The following SHC4 variants were observed in gnomAD, a reference collection of about 807,000 sequenced individuals.
SHC4 encodes SHC-transforming protein 4.
Under a neutral mutation model 69.4 loss-of-function variants are expected in SHC4, and 41 were observed. The observed-to-expected ratio is 0.59, with a 90% CI of 0.46 to 0.77. The LOEUF is 0.77. Ranked by LOEUF, SHC4 falls within the 30% of genes least tolerant of loss-of-function variation. SHC4 has a pLI of 0.00. For missense variants in SHC4, 777 were observed against 783.8 expected (o/e 0.99, Z 0.10); for synonymous variants, 318 against 299.3 (o/e 1.06, Z -0.64).
At chr15:48,869,520 C>G (rs1899626318) in intron 5 of SHC4, among the ~76,000 whole-genome samples, 1 of 152,206 alleles carries the variant, frequency 6.6e-6, no homozygotes, top group South Asian at 2.1e-4. Flanking sequence ...CTTCTTGTGA[C>G]TGTGTGCCAG....
intron 2 of SHC4, among the ~76,000 whole-genome samples, chr15:48,923,635 C>CTTTTTT (rs59906872): frequency 5.4e-5 from 5 of 92,498 alleles, no homozygotes; most frequent in African/African-American, 1.4e-4. Flanking sequence ...ACTACTCAGT[C>CTTTTTT]TTTTTTTTTT....
chr15:48,927,106 G>A (rs1471614606), intron 1 of SHC4, among the ~76,000 whole-genome samples: 2 of 152,188 alleles, frequency 1.3e-5, no homozygotes, highest in Non-Finnish European at 2.9e-5. Flanking sequence ...GCTAGATATA[G>A]GAAGTAGGTT....
intron 1 of SHC4, among the ~76,000 whole-genome samples, chr15:48,951,121 A>G (rs1901358461): frequency 1.3e-5 from 2 of 152,116 alleles, no homozygotes; most frequent in South Asian, 4.2e-4. Context: ...GATGACAATA[A>G]CAACAAAAAT....
chr15:48,906,494 TC>T (rs35372143), intron 2 of SHC4, among the ~76,000 whole-genome samples: 1 of 151,842 alleles, frequency 6.6e-6, no homozygotes, highest in African/African-American at 2.4e-5. Flanking sequence ...CCCCATCTCA[TC>T]CCCTTTTCCC....
rs201219790 is a variant in SHC4, at chr15:48,849,283, C to T, written c.1303+1905G>A. ...CCTTTCCTACTTCCTTCCTACCTCC[C>T]TCTCTGTGCCTGGATAATTCCCACT... On this transcript the variant is annotated intron_variant, in intron 9 of 11. Transcript: ENST00000332408. 2.6e-5 allele frequency among the ~76,000 whole-genome samples: 4 copies of T among 152,272 alleles called. No individual in the cohort carries two copies. The East Asian group carries it at 7.7e-4, about 29-fold the overall frequency.
At chr15:48,857,875 T>C in intron 6 of SHC4, 60 bp from the exon 7 acceptor site, 1 of 1,362,802 alleles carries the variant, frequency 7.3e-7, no homozygotes. Context: ...GAAGATTACA[T>C]AAAATCAGAG....
chr15:48,932,811 G>C (rs1900993430), intron 1 of SHC4, among the ~76,000 whole-genome samples: 1 of 152,032 alleles, frequency 6.6e-6, no homozygotes, highest in Non-Finnish European at 1.5e-5. Context: ...CTTGGTCAAT[G>C]TGTCCGTATC....
At chr15:48,930,089 A>G (rs978049790) in intron 1 of SHC4, among the ~76,000 whole-genome samples, 1 of 152,186 alleles carries the variant, frequency 6.6e-6, no homozygotes, top group Non-Finnish European at 1.5e-5. Context: ...AATGATGACT[A>G]CAAGCACGCT....
intron 1 of SHC4, among the ~76,000 whole-genome samples, chr15:48,949,411 C>A (rs191377459): frequency 6.6e-6 from 1 of 151,122 alleles, no homozygotes; most frequent in Non-Finnish European, 1.5e-5. Context: ...GGACTGAATT[C>A]TACCCTCTTC....
intron 1 of SHC4, among the ~76,000 whole-genome samples, chr15:48,959,445 G>T (rs1015814633): frequency 6.6e-6 from 1 of 152,174 alleles, no homozygotes; most frequent in Non-Finnish European, 1.5e-5. Context: ...CTGCATAATT[G>T]ATTCATAATA....
At chr15:48,858,852 C>G (rs142422897) in intron 6 of SHC4, among the ~76,000 whole-genome samples, 3 of 152,226 alleles carry the variant, frequency 2.0e-5, no homozygotes, top group African/African-American at 7.2e-5. Context: ...TTAATATACA[C>G]AAGAGTGTTG....
intron 1 of SHC4, among the ~76,000 whole-genome samples, chr15:48,960,732 C>T (rs1034437847): frequency 5.3e-5 from 8 of 152,216 alleles, no homozygotes; most frequent in Admixed American, 2.0e-4. Flanking sequence ...TTTTATATGA[C>T]TGTCTACCTA....
intron 1 of SHC4, among the ~76,000 whole-genome samples, chr15:48,961,429 C>T (rs1198990603): frequency 1.3e-5 from 2 of 152,146 alleles, no homozygotes; most frequent in South Asian, 2.1e-4. Flanking sequence ...ACCCACTATT[C>T]TCCAGCATTC....
At position 48,890,722 on chromosome 15, in the gene SHC4, AACAAGAAAACC is replaced by A. The variant is rs769045633; in HGVS notation, c.720+15_720+25del. Reference sequence around the variant, plus strand: ...TCTTTGCCATAATTAGGGAAACATAAACAAGAAAACCACATCATCATTTACCTTTCGCTTTT... The same window carrying A: ...TCTTTGCCATAATTAGGGAAACATAAACATCATCATTTACCTTTCGCTTTT... On this transcript the variant is annotated intron_variant, in intron 3 of 11. Transcript: ENST00000332408. 73 of 1,613,766 alleles carry A rather than the reference AACAAGAAAACC, an allele frequency of 4.5e-5. No individual in the cohort carries two copies. The highest frequency in any genetic ancestry group is 6.0e-5 in the Non-Finnish European group (71 of 1,179,770).
At position 48,851,170 on chromosome 15, in the gene SHC4, G is replaced by A. The variant is rs1353270597; in HGVS notation, c.1303+18C>T. The A allele has an allele frequency of 6.2e-7, 1 of 1,612,792 alleles. No individual in the cohort carries two copies. The highest frequency in any genetic ancestry group is 8.5e-7 in the Non-Finnish European group (1 of 1,179,126). ...AGGAATAAGGAGGGTGGCAGATGGA[G>A]AAGGGCATTGTACCTACCTATTGCC... On this transcript the variant is annotated intron_variant, in intron 9 of 11. Coordinates refer to ENST00000332408, the MANE Select transcript of SHC4 (RefSeq NM_203349.4).
At chr15:48,914,653 C>T (rs116536962) in intron 2 of SHC4, among the ~76,000 whole-genome samples, 1,648 of 152,278 alleles carry the variant, frequency 0.011, 35 homozygotes, top group African/African-American at 0.038. Context: ...ATTTGCTTTT[C>T]ACCCTTTTTA....
rs111949285 is a variant in SHC4 at position 48,910,698 on chromosome 15, T to C, written c.656+14181A>G. Among the ~76,000 whole-genome samples, 830 of 152,264 alleles carry C rather than the reference T, an allele frequency of 5.5e-3. 10 individuals are homozygous for C. Among genetic ancestry groups the C allele is most frequent in the African/African-American group, 0.019 (798 of 41,550 alleles). ...CTTTCAGTCTTTTTGATGTAGACAT[T>C]TATGGCTATGAACTTCCCTCTTAGC... On this transcript the variant is annotated intron_variant, in intron 2 of 11. Transcript: ENST00000332408.
intron 1 of SHC4, among the ~76,000 whole-genome samples, chr15:48,931,945 T>A (rs534728721): frequency 6.6e-6 from 1 of 151,892 alleles, no homozygotes; most frequent in Non-Finnish European, 1.5e-5. Context: ...TCTCCATAAA[T>A]GCAAACAGAA....
chr15:48,878,343 G>T, intron 4 of SHC4: 1 of 1,613,686 alleles, frequency 6.2e-7, no homozygotes, highest in African/African-American at 1.3e-5. Context: ...GAGGAGGAAG[G>T]CCCAATGGAG....
Sources: gnomAD v4.1 joint callset for allele counts (sites outside exome capture counted in the v4.1 genomes callset) on GRCh38, gnomAD v4.1.1 for gene constraint, MANE v1.5 for transcripts, NCBI Gene and HGNC (gene_info 2026-07-23, HGNC 2026-07-21) for gene names.